CDK14: variants seen among roughly 807,000 people sequenced by gnomAD.
The protein encoded by CDK14 is cyclin dependent kinase 14, also known as cyclin-dependent kinase 14.
A neutral mutation model predicts 60.7 loss-of-function variants in CDK14; 34 were observed. The observed-to-expected ratio is 0.56, with a 90% CI of 0.43 to 0.75. CDK14 has a LOEUF of 0.75. Among genes scored for constraint, CDK14 ranks in the 30% least tolerant of loss-of-function variants. The pLI is 0.00. For missense variants in CDK14, 482 were observed against 564.1 expected, an observed-to-expected ratio of 0.85 and a Z score of 1.47; for synonymous variants, 197 against 203.7, an observed-to-expected ratio of 0.97 and a Z score of 0.28.
At chr7:90,716,680 A>G (rs769196159) in intron 2 of CDK14, among the ~76,000 whole-genome samples, 59 of 152,228 alleles carry the variant, frequency 3.9e-4, no homozygotes, top group Admixed American at 9.2e-4. Context: ...AAATATATTG[A>G]GTTATCTGAT....
intron 11 of CDK14, among the ~76,000 whole-genome samples, chr7:91,061,325 C>G (rs1165607456): frequency 6.6e-6 from 1 of 152,152 alleles, no homozygotes; most frequent in African/African-American, 2.4e-5. Context: ...AGGCTTTTAA[C>G]TTGTTTGCCG....
chr7:90,628,275 G>C (rs1253393919), intron 2 of CDK14, among the ~76,000 whole-genome samples: 5 of 152,052 alleles, frequency 3.3e-5, no homozygotes, highest in Non-Finnish European at 7.4e-5. Context: ...GATTTTTTAG[G>C]ATTCTAGCTT....
At chr7:91,035,718 G>A (rs569029038) in intron 10 of CDK14, among the ~76,000 whole-genome samples, 8 of 151,328 alleles carry the variant, frequency 5.3e-5, no homozygotes, top group Non-Finnish European at 1.2e-4. Context: ...TGTATGAATT[G>A]TTTATTGCTG....
At chr7:90,952,369 A>C (rs746506656) in intron 8 of CDK14, among the ~76,000 whole-genome samples, 1 of 152,122 alleles carries the variant, frequency 6.6e-6, no homozygotes, top group African/African-American at 2.4e-5. Flanking sequence ...TTTTTATTGG[A>C]TAAGAGGTTA....
intron 10 of CDK14, among the ~76,000 whole-genome samples, chr7:91,023,380 C>A (rs182605396): frequency 6.6e-6 from 1 of 152,042 alleles, no homozygotes; most frequent in South Asian, 2.1e-4. Flanking sequence ...TGTTATCACT[C>A]GGAAGATTTT....
intron 6 of CDK14, among the ~76,000 whole-genome samples, chr7:90,898,937 A>G (rs1382880049): frequency 6.6e-6 from 1 of 151,996 alleles, no homozygotes; most frequent in Non-Finnish European, 1.5e-5. Context: ...CTTGGAAAAT[A>G]TGGGATAATT....
intron 4 of CDK14, among the ~76,000 whole-genome samples, chr7:90,783,576 TC>T (rs1174689145): frequency 6.6e-6 from 1 of 150,702 alleles, no homozygotes; most frequent in East Asian, 1.9e-4. Context: ...AAAACAAAAA[TC>T]CCCCCAAACC....
At chr7:91,159,631 G>T (rs946167262) in intron 14 of CDK14, among the ~76,000 whole-genome samples, 1 of 152,192 alleles carries the variant, frequency 6.6e-6, no homozygotes, top group South Asian at 2.1e-4. Flanking sequence ...AAGTGGAGCT[G>T]GCCAATGGGC....
chr7:90,886,494 A>G (rs1584088302), intron 6 of CDK14, among the ~76,000 whole-genome samples: 1 of 152,320 alleles, frequency 6.6e-6, no homozygotes, highest in Non-Finnish European at 1.5e-5. Context: ...CAGCCCTCGC[A>G]TAGGGAAAGC....
chr7:90,747,398 A>G (rs1318088739), intron 3 of CDK14, among the ~76,000 whole-genome samples: 1 of 152,226 alleles, frequency 6.6e-6, no homozygotes, highest in Non-Finnish European at 1.5e-5. Context: ...TAAGAAAGCA[A>G]TCATCAGCTT....
chr7:90,990,697 A>C, intron 10 of CDK14, among the ~76,000 whole-genome samples: 1 of 151,960 alleles, frequency 6.6e-6, no homozygotes, highest in Non-Finnish European at 1.5e-5. Context: ...TCTCTTTAAC[A>C]GGAAATAGAG....
At chr7:90,688,837 T>G (rs1801496210) in intron 2 of CDK14, among the ~76,000 whole-genome samples, 1 of 152,156 alleles carries the variant, frequency 6.6e-6, no homozygotes, top group Non-Finnish European at 1.5e-5. Context: ...TACAATATGA[T>G]TATATTACTC....
At chr7:90,978,624 C>T (rs1584192332) in intron 9 of CDK14, among the ~76,000 whole-genome samples, 1 of 152,142 alleles carries the variant, frequency 6.6e-6, no homozygotes, top group Admixed American at 6.5e-5. Flanking sequence ...TCCCATGATG[C>T]ATATCAGCTC....
chr7:91,014,917 G>T (rs1373758490), intron 10 of CDK14, among the ~76,000 whole-genome samples: 1 of 152,156 alleles, frequency 6.6e-6, no homozygotes, highest in Non-Finnish European at 1.5e-5. Context: ...TCTATGATTA[G>T]TTCCTTGTTG....
intron 14 of CDK14, among the ~76,000 whole-genome samples, chr7:91,139,869 CTT>C (rs1800402508): frequency 1.4e-5 from 2 of 145,542 alleles, no homozygotes; most frequent in Admixed American, 1.4e-4. Context: ...TATTTTCCCT[CTT>C]TCTCTGTCAC....
chr7:90,601,920 TTTTATGTATGTA>T (rs1394198613), intron 1 of CDK14, among the ~76,000 whole-genome samples: 138 of 125,814 alleles, frequency 1.1e-3, no homozygotes, highest in African/African-American at 4.0e-3. Flanking sequence ...GCTTGGCTAA[TTTTATGTATGTA>T]TGTATGTATG....
intron 6 of CDK14, among the ~76,000 whole-genome samples, chr7:90,889,872 C>A (rs1405843985): frequency 1.3e-5 from 2 of 152,020 alleles, no homozygotes; most frequent in East Asian, 3.9e-4. Flanking sequence ...ATCATCATAC[C>A]ATGTCTTATG....
intron 3 of CDK14, among the ~76,000 whole-genome samples, chr7:90,740,582 A>G (rs890947468): frequency 2.0e-5 from 3 of 152,194 alleles, no homozygotes; most frequent in African/African-American, 7.2e-5. Flanking sequence ...GAGAGGACTC[A>G]GGAGAAACAA....
intron 14 of CDK14, among the ~76,000 whole-genome samples, chr7:91,133,756 C>G (rs762507655): frequency 1.3e-5 from 2 of 152,092 alleles, no homozygotes; most frequent in African/African-American, 4.8e-5. Flanking sequence ...ATATTAGGCT[C>G]TCACTATATT....
Sources: gnomAD v4.1 joint callset for allele counts (sites outside exome capture counted in the v4.1 genomes callset) on GRCh38, gnomAD v4.1.1 for gene constraint, MANE v1.5 for transcripts, NCBI Gene and HGNC (gene_info 2026-07-23, HGNC 2026-07-21) for gene names.